The following LIPK variants were observed in gnomAD, a reference collection of about 807,000 sequenced individuals.
The protein encoded by LIPK is lipase member K.
Under a neutral mutation model 48.6 loss-of-function variants are expected in LIPK, and 32 were observed. The ratio of observed to expected loss-of-function variants is 0.66; its 90% CI spans 0.50 to 0.88. The LOEUF is 0.88. Ranked by LOEUF, LIPK falls within the 40% of genes least tolerant of loss-of-function variation. The pLI is 0.00. For missense variants in LIPK, 507 were observed against 478.5 expected, an observed-to-expected ratio of 1.06 and a Z score of -0.56; for synonymous variants, 164 against 157.4, an observed-to-expected ratio of 1.04 and a Z score of -0.32.
At chr10:88,722,751 A>G (rs992016014) in intron 1 of LIPK, among the ~76,000 whole-genome samples, 1 of 152,294 alleles carries the variant, frequency 6.6e-6, no homozygotes, top group Non-Finnish European at 1.5e-5. Context: ...AGGCAACCTG[A>G]GTTCAGATTC....
At chr10:88,721,858 C>G (rs1172438354) in intron 1 of LIPK, among the ~76,000 whole-genome samples, 1 of 152,200 alleles carries the variant, frequency 6.6e-6, no homozygotes, top group Non-Finnish European at 1.5e-5. Context: ...TTCCCTACTA[C>G]TTTGCCATAA....
intron 2 of LIPK, among the ~76,000 whole-genome samples, chr10:88,725,943 G>C (rs1285755975): frequency 6.6e-6 from 1 of 152,216 alleles, no homozygotes; most frequent in Non-Finnish European, 1.5e-5. Flanking sequence ...GTGAGCAGGA[G>C]ATGGAAAGAA....
intron 3 of LIPK, among the ~76,000 whole-genome samples, chr10:88,729,254 G>A (rs1049919725): frequency 2.5e-5 from 2 of 80,830 alleles, no homozygotes; most frequent in Non-Finnish European, 7.1e-5. Flanking sequence ...CTATCTGTTG[G>A]GGGGGGGGGG....
At chr10:88,732,076 T>G in intron 4 of LIPK, 102 bp from the exon 5 acceptor site, 1 of 735,908 alleles carries the variant, frequency 1.4e-6, no homozygotes, top group Non-Finnish European at 2.2e-6. Context: ...AGTCTTATAT[T>G]TAACAAAATC....
rs1003157710 is a variant in LIPK, at chr10:88,737,779, A to G, written c.814A>G (p.Met272Val). The change falls in exon 7 of 10, where the codon ATG becomes GTG. Residue 272 changes from methionine to valine, a missense_variant and splice_region_variant. Transcript: ENST00000404190. ...TGGATTTGATCCGCAAAACTTAAAT[A>G]TGGTAGGTGTAAGTAATTGGGTCTG... The part of the protein sequence containing the change: ...LSGFDPQNLN[M>V]SRLDVYLSHN... The G allele has an allele frequency of 1.9e-6, 3 of 1,613,648 alleles. No homozygotes were observed. The highest frequency in any genetic ancestry group is 2.7e-5 in the African/African-American group (2 of 74,938).
chr10:88,746,652 C>A (rs543883354), intron 9 of LIPK, among the ~76,000 whole-genome samples: 1 of 152,218 alleles, frequency 6.6e-6, no homozygotes, highest in South Asian at 2.1e-4. Context: ...GCTAAACATC[C>A]ACATCAAAAA....
intron 8 of LIPK, among the ~76,000 whole-genome samples, chr10:88,742,408 T>C (rs1195161057): frequency 6.6e-6 from 1 of 152,138 alleles, no homozygotes; most frequent in African/African-American, 2.4e-5. Context: ...CAGGACTAAA[T>C]TGGTAAGTGG....
chr10:88,743,602 G>C (rs1436375621), intron 9 of LIPK, among the ~76,000 whole-genome samples: 1 of 152,106 alleles, frequency 6.6e-6, no homozygotes, highest in Non-Finnish European at 1.5e-5. Context: ...AGAGACAGGG[G>C]CTCAAGATGG....
chr10:88,710,733 A>T (rs964490656), intron 1 of LIPK, among the ~76,000 whole-genome samples: 1 of 152,152 alleles, frequency 6.6e-6, no homozygotes, highest in Non-Finnish European at 1.5e-5. Context: ...CTACTAATGG[A>T]CATTTGTATT....
chr10:88,716,137 C>G (rs947774458), intron 1 of LIPK, among the ~76,000 whole-genome samples: 3 of 151,880 alleles, frequency 2.0e-5, no homozygotes, highest in African/African-American at 7.3e-5. Flanking sequence ...AAATGAAAAA[C>G]CAGGCAGGAG....
At chr10:88,730,650 G>A (rs749643637) in intron 3 of LIPK, among the ~76,000 whole-genome samples, 3 of 152,134 alleles carry the variant, frequency 2.0e-5, no homozygotes, top group Non-Finnish European at 2.9e-5. Context: ...CTAGGAGATA[G>A]CATTTATTAT....
chr10:88,726,852 G>A lies in LIPK; in HGVS notation c.163G>A (p.Asp55Asn). 6.2e-7 allele frequency: 1 copy of A among 1,608,904 alleles called. No individual in the cohort carries two copies. The highest frequency in any genetic ancestry group is 1.3e-5 in the African/African-American group (1 of 74,958). Reference sequence around the variant, plus strand: ...TGAAGAGTATGATGTTACAACAAAAGATGGTTATATCCTTGGAATTTATAG... The same window carrying A: ...TGAAGAGTATGATGTTACAACAAAAAATGGTTATATCCTTGGAATTTATAG... Reference protein sequence around the residue: ...PYEEYDVTTKDGYILGIYRIP... With the variant: ...PYEEYDVTTKNGYILGIYRIP... The change falls in exon 3 of 10, where the codon GAT (aspartate) becomes AAT (asparagine). Residue 55 changes from aspartate to asparagine, a missense_variant. Coordinates refer to ENST00000404190, the MANE Select transcript of LIPK (RefSeq NM_001080518.2).
At chr10:88,720,905 A>G (rs1342572155) in intron 1 of LIPK, among the ~76,000 whole-genome samples, 1 of 151,804 alleles carries the variant, frequency 6.6e-6, no homozygotes, top group African/African-American at 2.4e-5. Flanking sequence ...AATCTATTAT[A>G]GATTATATCT....
chr10:88,728,415 T>G, intron 3 of LIPK: 1 of 198,280 alleles, frequency 5.0e-6, no homozygotes, highest in Non-Finnish European at 1.0e-5. Flanking sequence ...AAGAGGATCT[T>G]CCAGGTGAAC....
intron 1 of LIPK, among the ~76,000 whole-genome samples, chr10:88,721,596 T>A (rs1014934032): frequency 6.6e-6 from 1 of 152,194 alleles, no homozygotes; most frequent in Non-Finnish European, 1.5e-5. Context: ...CCTTGTGCCA[T>A]CCCTTGGGGC....
At chr10:88,731,238 A>C in intron 4 of LIPK, 57 bp downstream of exon 4, 2 of 1,313,986 alleles carry the variant, frequency 1.5e-6, no homozygotes, top group Non-Finnish European at 2.0e-6. Flanking sequence ...ATATGTATGA[A>C]CACCTAGTGA....
intron 8 of LIPK, among the ~76,000 whole-genome samples, chr10:88,741,473 A>G (rs1842678927): frequency 6.6e-6 from 1 of 152,186 alleles, no homozygotes; most frequent in East Asian, 1.9e-4. Flanking sequence ...CAATCCTCCC[A>G]CCTCAGCCTA....
At chr10:88,742,659 G>A (rs377651168) in intron 8 of LIPK, among the ~76,000 whole-genome samples, 29 of 152,298 alleles carry the variant, frequency 1.9e-4, no homozygotes, top group African/African-American at 6.7e-4. Context: ...GCTACATTAT[G>A]CACATCACAG....
chr10:88,713,564 C>T (rs1842062527), intron 1 of LIPK, among the ~76,000 whole-genome samples: 1 of 152,156 alleles, frequency 6.6e-6, no homozygotes, highest in Admixed American at 6.6e-5. Flanking sequence ...TATCTTAATA[C>T]TTTTCTCTGT....
Sources: allele counts gnomAD v4.1 joint callset (sites outside exome capture counted in the v4.1 genomes callset), GRCh38; gene constraint gnomAD v4.1.1; transcripts MANE v1.5; gene names NCBI Gene and HGNC (gene_info 2026-07-23, HGNC 2026-07-21).